Variants in ATP6V1G1 observed in about 807,000 individuals in gnomAD.
ATP6V1G1 encodes ATPase H+ transporting V1 subunit G1.
A neutral mutation model predicts 14.2 loss-of-function variants in ATP6V1G1; 14 were observed. The observed-to-expected ratio is 0.99, with a 90% CI of 0.65 to 1.55. The LOEUF is 1.55. Ranked by LOEUF, ATP6V1G1 falls within the 40% of genes most tolerant of loss-of-function variation. The probability of loss-of-function intolerance (pLI) is 0.00; values close to 1 mark genes in which losing one functional copy is unlikely to be tolerated. For synonymous variants in ATP6V1G1, 65 were observed against 53.3 expected (o/e 1.22, Z -0.96); for missense variants, 137 against 146.4 (o/e 0.94, Z 0.33).
chr9:114,587,973 T>G (rs1845140937), intron 1 of ATP6V1G1, 53 bp downstream of exon 1: 1 of 1,543,904 alleles, frequency 6.5e-7, no homozygotes, highest in South Asian at 1.2e-5. Flanking sequence ...GAAAGACCGC[T>G]GGGCCTCAGG....
At chr9:114,593,687 T>G (rs1845206514) in intron 2 of ATP6V1G1, among the ~76,000 whole-genome samples, 1 of 152,024 alleles carries the variant, frequency 6.6e-6, no homozygotes, top group Non-Finnish European at 1.5e-5. Context: ...TTTGTAGAGA[T>G]AGGGTCTTGC....
At chr9:114,588,686 T>G (rs1411262766) in intron 1 of ATP6V1G1, among the ~76,000 whole-genome samples, 1 of 152,066 alleles carries the variant, frequency 6.6e-6, no homozygotes, top group African/African-American at 2.4e-5. Context: ...AAATGTAAGG[T>G]TGCTAAAGAA....
Position 114,598,657 on chromosome 9 carries a change from C to A in ATP6V1G1, c.*914C>A, listed in dbSNP as rs1362831959. ...ATCCTTGTCCTGGGACAGCCTGGGG[C>A]AAGTTATTAAGCATATTTCCTTCCT... is the stretch of plus-strand genomic sequence containing the variant. On this transcript the variant is annotated 3_prime_UTR_variant, in exon 3 of 3. Coordinates refer to ENST00000374050, the MANE Select transcript of ATP6V1G1 (RefSeq NM_004888.4). Among the ~76,000 whole-genome samples, 1 of 152,162 alleles carries A rather than the reference C, an allele frequency of 6.6e-6. No homozygotes were observed. Among genetic ancestry groups the A allele is most frequent in the Non-Finnish European group, 1.5e-5 (1 of 68,024 alleles).
rs890597409 is a variant in ATP6V1G1 at position 114,598,545 on chromosome 9, T to C, written c.*802T>C. 6.6e-6 allele frequency among the ~76,000 whole-genome samples: 1 copy of C among 152,216 alleles called. No homozygotes were observed. Among genetic ancestry groups the C allele is most frequent in the Non-Finnish European group, 1.5e-5 (1 of 68,046 alleles). On this transcript the variant is annotated 3_prime_UTR_variant, in exon 3 of 3. Coordinates refer to ENST00000374050, the MANE Select transcript of ATP6V1G1 (RefSeq NM_004888.4). ...ATTTATATACATAATTAGAAAATGT[T>C]CCTGATACATGTGTCATGTGATTTC...
At chr9:114,593,817 A>T (rs893415769) in intron 2 of ATP6V1G1, among the ~76,000 whole-genome samples, 4 of 152,114 alleles carry the variant, frequency 2.6e-5, no homozygotes, top group African/African-American at 9.7e-5. Context: ...GTGGCTGGGC[A>T]TAGTGACTCA....
chr9:114,592,425 C>T (rs761151940), intron 1 of ATP6V1G1, 127 bp from the exon 2 acceptor site: 5 of 915,010 alleles, frequency 5.5e-6, no homozygotes, highest in Non-Finnish European at 8.0e-6. Context: ...TTCCCTCTTT[C>T]CCATGCACAT....
At chr9:114,593,690 G>A (rs1390148837) in intron 2 of ATP6V1G1, among the ~76,000 whole-genome samples, 1 of 151,770 alleles carries the variant, frequency 6.6e-6, no homozygotes, top group African/African-American at 2.4e-5. Flanking sequence ...GTAGAGATAG[G>A]GTCTTGCTGT....
intron 2 of ATP6V1G1, among the ~76,000 whole-genome samples, chr9:114,594,969 C>T (rs373465426): frequency 2.0e-5 from 3 of 149,680 alleles, no homozygotes; most frequent in Non-Finnish European, 4.4e-5. Flanking sequence ...AAGTGATTCT[C>T]CTGCCTCAGC....
chr9:114,590,114 C>T (rs553726039), intron 1 of ATP6V1G1, among the ~76,000 whole-genome samples: 1 of 150,334 alleles, frequency 6.7e-6, no homozygotes, highest in African/African-American at 2.4e-5. Flanking sequence ...AGGAGAAACG[C>T]TTGAACCCAG....
Position 114,587,933 on chromosome 9 carries a change from G to T in ATP6V1G1, c.82+13G>T. ...GAGGCCCGCAAAAGTGAGTTTCAGG[G>T]TGGGGCTGCCCGGCGTGGCGCGAGT... is the stretch of plus-strand genomic sequence containing the variant. On this transcript the variant is annotated intron_variant, in intron 1 of 2. Coordinates refer to ENST00000374050, the MANE Select transcript of ATP6V1G1 (RefSeq NM_004888.4). 1 of 1,564,232 alleles carries T rather than the reference G, an allele frequency of 6.4e-7. No individual in the cohort carries two copies. Among genetic ancestry groups the T allele is most frequent in the Non-Finnish European group, 8.7e-7 (1 of 1,154,120 alleles).
intron 2 of ATP6V1G1, among the ~76,000 whole-genome samples, chr9:114,594,857 T>TC: frequency 9.2e-5 from 10 of 108,544 alleles, no homozygotes; most frequent in Non-Finnish European, 8.5e-5. Context: ...TCTTTTCTTT[T>TC]TTTCTTTTTT....
chr9:114,595,487 AC>A, intron 2 of ATP6V1G1, among the ~76,000 whole-genome samples: 1 of 152,108 alleles, frequency 6.6e-6, no homozygotes, highest in Non-Finnish European at 1.5e-5. Context: ...CTCTGACTCT[AC>A]AAAAAAAATA....
At chr9:114,593,994 G>A (rs570985619) in intron 2 of ATP6V1G1, among the ~76,000 whole-genome samples, 2 of 151,682 alleles carry the variant, frequency 1.3e-5, no homozygotes, top group Non-Finnish European at 2.9e-5. Flanking sequence ...GGGCTGATAG[G>A]TGCTGTAAGT....
At chr9:114,597,026 T>C (rs937635586) in intron 2 of ATP6V1G1, among the ~76,000 whole-genome samples, 25 of 144,596 alleles carry the variant, frequency 1.7e-4, no homozygotes, top group African/African-American at 4.9e-4. Flanking sequence ...AGTCTCGCTC[T>C]GTCGCCCAGG....
Position 114,587,815 on chromosome 9 carries a change from C to T in ATP6V1G1, c.-24C>T, listed in dbSNP as rs74597812. ...CTTCGAGGTGCCTTAGGCCGCTTGC[C>T]TTGCTCTCAGAATCGCTGCCGCCAT... is the stretch of plus-strand genomic sequence containing the variant. On this transcript the variant is annotated 5_prime_UTR_variant, in exon 1 of 3. Transcript: ENST00000374050. 479 of 1,571,872 alleles carry T rather than the reference C, an allele frequency of 3.0e-4. 2 individuals carry two copies. In the African/African-American group the frequency reaches 5.6e-3, roughly 18 times the overall value.
chr9:114,597,899 G>T lies in ATP6V1G1; in HGVS notation c.*156G>T. 1 of 614,852 alleles carries T rather than the reference G, an allele frequency of 1.6e-6. No individual in the cohort carries two copies. The highest frequency in any genetic ancestry group is 7.6e-5 in the South Asian group (1 of 13,174). The allele number at this position is 614,852 out of a possible 1,614,324, so 38.1% of individuals were successfully genotyped here. On this transcript the variant is annotated 3_prime_UTR_variant, in exon 3 of 3. Transcript: ENST00000374050. ...CACTTTTTGGAGAGTAGCAAATCTA[G>T]CTTTTTTGTACAGACTTAGAAATTA...
intron 1 of ATP6V1G1, among the ~76,000 whole-genome samples, chr9:114,591,544 A>G (rs542122399): frequency 7.9e-5 from 12 of 152,240 alleles, no homozygotes; most frequent in African/African-American, 2.9e-4. Context: ...ACTTGCAGAA[A>G]TAGTTCTTGG....
Position 114,598,838 on chromosome 9 carries a change from GATACA to G in ATP6V1G1, c.*1102_*1106del, listed in dbSNP as rs1845270169. On this transcript the variant is annotated 3_prime_UTR_variant, in exon 3 of 3. Coordinates refer to ENST00000374050, the MANE Select transcript of ATP6V1G1 (RefSeq NM_004888.4). ...ATTATGGGATTTCCTTGCTTGTTCT[GATACA>G]ATACAACTAGATGACCTTAAAAACC... Among the ~76,000 whole-genome samples the G allele has an allele frequency of 6.6e-6, 1 of 151,898 alleles. No homozygotes were observed. Among genetic ancestry groups the G allele is most frequent in the East Asian group, 1.9e-4 (1 of 5,186 alleles).
At chr9:114,589,139 C>G (rs1845159023) in intron 1 of ATP6V1G1, among the ~76,000 whole-genome samples, 1 of 152,202 alleles carries the variant, frequency 6.6e-6, no homozygotes. Context: ...TCCCGGGAAG[C>G]CTTTCCTGAC....
Sources: allele counts gnomAD v4.1 joint callset (sites outside exome capture counted in the v4.1 genomes callset), GRCh38; gene constraint gnomAD v4.1.1; transcripts MANE v1.5; gene names NCBI Gene and HGNC (gene_info 2026-07-23, HGNC 2026-07-21).